The following SVIL variants were observed in gnomAD, a reference collection of about 807,000 sequenced individuals.
SVIL encodes the protein archvillin.
A neutral mutation model predicts 240.4 loss-of-function variants in SVIL; 101 were observed. The observed-to-expected ratio is 0.42, with a 90% CI of 0.36 to 0.50. SVIL has a LOEUF of 0.50. Among genes scored for constraint, SVIL ranks in the 20% least tolerant of loss-of-function variants. The pLI, the probability that SVIL is intolerant of heterozygous loss-of-function variation, is 0.01. For missense variants in SVIL, 2,512 were observed against 2,818.7 expected, an observed-to-expected ratio of 0.89 and a Z score of 2.46; for synonymous variants, 999 against 1,100.0, an observed-to-expected ratio of 0.91 and a Z score of 1.82.
chr10:29,623,212 C>G (rs1007506118), intron 1 of SVIL, among the ~76,000 whole-genome samples: 1 of 152,194 alleles, frequency 6.6e-6, no homozygotes, highest in Non-Finnish European at 1.5e-5. Flanking sequence ...TTTTTCAGTT[C>G]CTATCAGCAG....
At chr10:29,590,234 T>A (rs1016098071) in intron 1 of SVIL, among the ~76,000 whole-genome samples, 15 of 143,786 alleles carry the variant, frequency 1.0e-4, no homozygotes, top group African/African-American at 3.6e-4. Flanking sequence ...CCCCTGGGAC[T>A]CTCTCCTTAA....
At chr10:29,638,460 C>CT, upstream of SVIL, among the ~76,000 whole-genome samples, 1 of 149,902 alleles carries the variant, frequency 6.7e-6, no homozygotes. Flanking sequence ...GGGTGAAACT[C>CT]TGTCTCAAAA....
At chr10:29,702,175 CAAAAAAAAA>C (rs60338711) in intron 1 of SVIL, among the ~76,000 whole-genome samples, 3 of 61,660 alleles carry the variant, frequency 4.9e-5, no homozygotes, top group Admixed American at 2.2e-4. Context: ...ACTCCATCTC[CAAAAAAAAA>C]AAAAAAAAAA....
chr10:29,554,282 C>G (rs553034239), intron 5 of SVIL, among the ~76,000 whole-genome samples: 1 of 151,764 alleles, frequency 6.6e-6, no homozygotes, highest in South Asian at 2.1e-4. Flanking sequence ...GCACTCCAGC[C>G]TAGGTGACAG....
intron 1 of SVIL, among the ~76,000 whole-genome samples, chr10:29,608,732 G>A (rs1957121425): frequency 6.6e-6 from 1 of 152,268 alleles, no homozygotes; most frequent in Non-Finnish European, 1.5e-5. Context: ...GCGTGGGCAT[G>A]TGGGTGCCCC....
In SVIL at chr10:29,728,271, T is replaced by C. The variant is rs552040451; in HGVS notation, c.-400+7480A>G. 2.1e-3 allele frequency among the ~76,000 whole-genome samples: 320 copies of C among 152,338 alleles called. 1 individual carries two copies. Among genetic ancestry groups the C allele is most frequent in the Non-Finnish European group, 3.9e-3 (264 of 68,028 alleles). On this transcript the variant is annotated intron_variant, in intron 1 of 35. Coordinates refer to the SVIL transcript ENST00000375400. ...CAATTTCCATTTGCAAGGGAAAGGT[T>C]ATCCAAAACAAGCTTATGTTTCAGT...
intron 2 of SVIL, among the ~76,000 whole-genome samples, chr10:29,683,620 A>C (rs1960832779): frequency 6.6e-6 from 1 of 152,210 alleles, no homozygotes; most frequent in Non-Finnish European, 1.5e-5. Flanking sequence ...GGCTTATTAT[A>C]ATCAACTTAC....
At chr10:29,636,989 T>G (rs553158540), upstream of SVIL, among the ~76,000 whole-genome samples, 4 of 152,174 alleles carry the variant, frequency 2.6e-5, no homozygotes, top group African/African-American at 9.6e-5. Flanking sequence ...TCTTAGTTTT[T>G]GTAGAGATGG....
chr10:29,654,977 T>C (rs1466705886), intron 3 of SVIL, among the ~76,000 whole-genome samples: 2 of 152,166 alleles, frequency 1.3e-5, no homozygotes, highest in African/African-American at 2.4e-5. Context: ...GGAGGGTGGA[T>C]CTTCCTCACT....
At chr10:29,645,601 G>A (rs187341918) in intron 3 of SVIL, among the ~76,000 whole-genome samples, 5 of 152,002 alleles carry the variant, frequency 3.3e-5, no homozygotes, top group Admixed American at 6.6e-5. Flanking sequence ...GGAATAAAGC[G>A]CTCCAAGCGA....
At chr10:29,638,537 C>T (rs1482183726), upstream of SVIL, among the ~76,000 whole-genome samples, 1 of 151,986 alleles carries the variant, frequency 6.6e-6, no homozygotes, top group Non-Finnish European at 1.5e-5. Flanking sequence ...AACAAACCTA[C>T]TTCAAATGAA....
At chr10:29,488,151 T>G (rs1436622677) in intron 23 of SVIL, among the ~76,000 whole-genome samples, 1 of 152,102 alleles carries the variant, frequency 6.6e-6, no homozygotes, top group Non-Finnish European at 1.5e-5. Context: ...TTCCCTTGAT[T>G]CCTTCTCCAA....
In SVIL at chr10:29,487,217, G is replaced by T; in HGVS notation, c.4431C>A (p.Pro1477=). ...NSGDCFLLLS[P]HCCFLWVGEF... ...CTCCTACCCACAGGAAGCAGCAGTG[G>T]GGAGAGAGCAGGAGGAAGCAGTCCC... Residue 1477 remains proline (P), a synonymous_variant, in exon 24 of 38, where the codon CCC becomes CCA. Coordinates refer to ENST00000355867, the MANE Select transcript of SVIL (RefSeq NM_021738.3). 6.2e-7 allele frequency: 1 copy of T among 1,614,084 alleles called. No individual in the cohort carries two copies. Among genetic ancestry groups the T allele is most frequent in the Non-Finnish European group, 8.5e-7 (1 of 1,179,998 alleles).
Position 29,618,997 on chromosome 10 carries a change from A to G in SVIL, c.-201+15423T>C, listed in dbSNP as rs530482657. On this transcript the variant is annotated intron_variant, in intron 1 of 37. Transcript: ENST00000355867. ...GGCTAAAAGTGGCAACTCAAGATCCAGGTAGCTTTGTCTAAAGTAGCCCAG... is the reference window on the plus strand; with the variant it reads ...GGCTAAAAGTGGCAACTCAAGATCCGGGTAGCTTTGTCTAAAGTAGCCCAG... 1.9e-4 allele frequency among the ~76,000 whole-genome samples: 29 copies of G among 152,340 alleles called. No individual in the cohort carries two copies. In the East Asian group the frequency reaches 5.4e-3, roughly 28 times the overall value.
At chr10:29,722,057 G>A (rs1300197031) in intron 1 of SVIL, among the ~76,000 whole-genome samples, 1 of 151,996 alleles carries the variant, frequency 6.6e-6, no homozygotes, top group Non-Finnish European at 1.5e-5. Context: ...GGCCAACATA[G>A]CAGAACCCTG....
intron 1 of SVIL, among the ~76,000 whole-genome samples, chr10:29,627,037 G>GAAAATAAAAT (rs142035627): frequency 6.6e-6 from 1 of 150,890 alleles, no homozygotes; most frequent in African/African-American, 2.4e-5. Flanking sequence ...AAAATAAAAT[G>GAAAATAAAAT]AAAATAAAAT....
intron 7 of SVIL, among the ~76,000 whole-genome samples, chr10:29,534,968 T>C (rs1951637062): frequency 6.6e-6 from 1 of 152,068 alleles, no homozygotes. Context: ...GCTTTTGGAG[T>C]GGGAAAAGGG....
intron 2 of SVIL, among the ~76,000 whole-genome samples, chr10:29,666,464 C>T (rs1959304872): frequency 6.6e-6 from 1 of 152,086 alleles, no homozygotes; most frequent in Non-Finnish European, 1.5e-5. Context: ...TACCTTTTTG[C>T]CTGGAAAGAC....
intron 2 of SVIL, among the ~76,000 whole-genome samples, chr10:29,671,957 A>G (rs77235606): frequency 0.015 from 2,238 of 152,322 alleles, 65 homozygotes; most frequent in African/African-American, 0.051. Flanking sequence ...CCAGCCTGCT[A>G]TCATTTCTCT....
Sources: gnomAD v4.1 joint callset for allele counts (sites outside exome capture counted in the v4.1 genomes callset) on GRCh38, gnomAD v4.1.1 for gene constraint, MANE v1.5 for transcripts, NCBI Gene and HGNC (gene_info 2026-07-23, HGNC 2026-07-21) for gene names.